The following C14orf39 variants were observed in gnomAD, a reference collection of about 807,000 sequenced individuals.
C14orf39 encodes the protein protein SIX6OS1.
C14orf39 carries 66 observed loss-of-function variants against 85.6 expected under a neutral mutation model. That is an observed-to-expected ratio of 0.77 (90% CI 0.63 to 0.95). C14orf39 has a LOEUF of 0.95. Among genes scored for constraint, C14orf39 ranks in the 40% least tolerant of loss-of-function variants. The probability of loss-of-function intolerance (pLI) is 0.00; values close to 1 mark genes in which losing one functional copy is unlikely to be tolerated. For synonymous variants in C14orf39, 242 were observed against 214.0 expected, an observed-to-expected ratio of 1.13 and a Z score of -1.14; for missense variants, 735 against 663.9, an observed-to-expected ratio of 1.11 and a Z score of -1.18.
At chr14:60,443,477 T>C (rs1317911937) in intron 16 of C14orf39, among the ~76,000 whole-genome samples, 7 of 152,070 alleles carry the variant, frequency 4.6e-5, no homozygotes, top group Admixed American at 3.3e-4. Context: ...GGGAGGGGTG[T>C]CTGCCATTGC....
At chr14:60,441,183 C>G (rs972671102) in intron 17 of C14orf39, among the ~76,000 whole-genome samples, 2 of 152,022 alleles carry the variant, frequency 1.3e-5, no homozygotes, top group African/African-American at 4.8e-5. Context: ...GAGACTGCAC[C>G]TGAATTAGAG....
chr14:60,455,135 TA>T lies in C14orf39; in HGVS notation c.1368del (p.Asn456LysfsTer21). ...GTTTGAACTTCAGGTACTGCATTTC[TA>T]TTTCTGTTACTGAGAAATAAGAAAT... ...PKTPPFEINR[N>X]RNAVPEVQTE... On this transcript the variant is annotated frameshift_variant, in exon 16 of 18. Coordinates refer to ENST00000321731, the MANE Select transcript of C14orf39 (RefSeq NM_174978.3). LOFTEE classifies it high-confidence loss of function. 1 of 1,555,952 alleles carries T rather than the reference TA, an allele frequency of 6.4e-7. No homozygotes were observed. Among genetic ancestry groups the T allele is most frequent in the Non-Finnish European group, 8.6e-7 (1 of 1,157,970 alleles).
chr14:60,469,571 CT>C lies in C14orf39; in HGVS notation c.636del (p.Val213Ter). 1 of 1,509,906 alleles carries C rather than the reference CT, an allele frequency of 6.6e-7. No individual in the cohort carries two copies. The highest frequency in any genetic ancestry group is 8.9e-7 in the Non-Finnish European group (1 of 1,120,604). The allele number at this position is 1,509,906 out of a possible 1,614,324, so 93.5% of individuals were successfully genotyped here. On this transcript the variant is annotated frameshift_variant, in exon 8 of 18. Coordinates refer to ENST00000321731, the MANE Select transcript of C14orf39 (RefSeq NM_174978.3). LOFTEE classifies it high-confidence loss of function. ...LTKSSSELKKEVDEMEIEINY... is the reference protein window; with the variant it reads ...LTKSSSELKKXVDEMEIEINY... ...TTAATTTCTATTTCCATTTCATCTA[CT>C]TCTTTCTTCAATTCGGATGAACTTT...
rs534627353 is a variant in C14orf39 at position 60,478,472 on chromosome 14, T to A, written c.234-83A>T. 5 of 693,520 alleles carry A rather than the reference T, an allele frequency of 7.2e-6. No homozygotes were observed. The East Asian group carries it at 1.3e-4, about 18-fold the overall frequency. The allele number at this position is 693,520 out of a possible 1,614,324, so 43.0% of individuals were successfully genotyped here. ...GATAATAAAAAAAAGAACATAATTA[T>A]TTAAAGAGAAACGAATCTTTCTCTT... is the stretch of plus-strand genomic sequence containing the variant. On this transcript the variant is annotated intron_variant, in intron 4 of 17. Coordinates refer to ENST00000321731, the MANE Select transcript of C14orf39 (RefSeq NM_174978.3).
intron 10 of C14orf39, 22 bp downstream of exon 10, chr14:60,466,895 G>T: frequency 2.8e-6 from 4 of 1,446,498 alleles, no homozygotes; most frequent in South Asian, 3.1e-5. Flanking sequence ...TGATGTTTTT[G>T]AATAACAAAC....
In C14orf39 at chr14:60,450,376, C is replaced by A. The variant is rs1890976311; in HGVS notation, c.1503+4625G>T. Among the ~76,000 whole-genome samples, 5 of 152,148 alleles carry A rather than the reference C, an allele frequency of 3.3e-5. No individual in the cohort carries two copies. The South Asian group carries it at 1.0e-3, about 31-fold the overall frequency. ...CGAGTGGATATCAGCAGTGTCCTGG[C>A]AGACCCCCACCATGAGCTGATGGTC... is the stretch of plus-strand genomic sequence containing the variant. On this transcript the variant is annotated intron_variant, in intron 16 of 17. Coordinates refer to ENST00000321731, the MANE Select transcript of C14orf39 (RefSeq NM_174978.3).
intron 1 of C14orf39, chr14:60,511,393 G>A (rs758956953): frequency 1.9e-6 from 2 of 1,037,932 alleles, no homozygotes; most frequent in East Asian, 2.6e-5. Flanking sequence ...TCGGGTTGCC[G>A]TTTCCCGCCC....
intron 1 of C14orf39, chr14:60,510,007 G>A (rs750494627): frequency 2.1e-5 from 32 of 1,553,188 alleles, no homozygotes; most frequent in Admixed American, 7.4e-5. Flanking sequence ...TGAGCGCACC[G>A]GGGAGGAGGC....
chr14:60,436,854 A>G lies in C14orf39; in HGVS notation c.1755T>C (p.Thr585=), dbSNP rs34459949. The G allele has an allele frequency of 3.7e-4, 600 of 1,602,130 alleles. 4 individuals carry two copies. The African/African-American group carries it at 6.5e-3, about 17-fold the overall frequency. The change falls in exon 18 of 18, where the codon ACT becomes ACC. Residue 585 remains threonine (T), a synonymous_variant. Transcript: ENST00000321731. ...SSSSQNTTQF[T]FF ...GGAATTAATGACTAGCTCAAAAAAAAGTAAACTGTGTTGTATTTTGTGAGG... is the reference window on the plus strand; with the variant it reads ...GGAATTAATGACTAGCTCAAAAAAAGGTAAACTGTGTTGTATTTTGTGAGG...
At position 60,495,130 on chromosome 14, in the gene C14orf39, T is replaced by C. The variant is rs1893050347; in HGVS notation, c.-9+4166A>G. The stretch of plus-strand genomic sequence containing the variant: ...GGTAGAAAAAGCTTGGCCATAGATC[T>C]TACATTGGAACAGTCTCTCCCGAGT... On this transcript the variant is annotated intron_variant, in intron 2 of 5. Transcript: ENST00000556799. The C allele has an allele frequency of 1.8e-5, 4 of 228,552 alleles. No individual in the cohort carries two copies. The South Asian group carries it at 2.0e-4, about 11-fold the overall frequency. 14.2% of individuals were successfully genotyped at this position (228,552 alleles called of 1,614,324 possible). A position where few individuals can be genotyped will look rare whatever the true frequency, so the allele number is the denominator to read the frequency against.
At position 60,515,421 on chromosome 14, in the gene C14orf39, C is replaced by CG. The variant is rs1274400577; in HGVS notation, c.-171dup. The CG allele has an allele frequency of 6.6e-6, 1 of 152,164 alleles. No individual in the cohort carries two copies. Among genetic ancestry groups the CG allele is most frequent in the Non-Finnish European group, 1.5e-5 (1 of 68,106 alleles). The allele number at this position is 152,164 out of a possible 1,614,324, so 9.4% of individuals were successfully genotyped here. ...TTTTCCATCCAGCGCCCCGCGAACTCGCGGACGTGTAGGCCTCGAGCCACT... is the reference window on the plus strand; with the variant it reads ...TTTTCCATCCAGCGCCCCGCGAACTCGGCGGACGTGTAGGCCTCGAGCCACT... On this transcript the variant is annotated 5_prime_UTR_variant, in exon 1 of 6. Transcript: ENST00000556799. This position sits in a 1 kb window ranked among gnomAD's most constrained non-coding sequence, Gnocchi z 6.2.
At chr14:60,441,241 A>C (rs915920488) in intron 17 of C14orf39, among the ~76,000 whole-genome samples, 7 of 152,200 alleles carry the variant, frequency 4.6e-5, no homozygotes, top group African/African-American at 1.7e-4. Flanking sequence ...CTAGAATAAT[A>C]TAAAAGACTG....
At chr14:60,506,692 G>A (rs1334679251) in intron 1 of C14orf39, among the ~76,000 whole-genome samples, 1 of 152,168 alleles carries the variant, frequency 6.6e-6, no homozygotes, top group Non-Finnish European at 1.5e-5. Flanking sequence ...GCACTTCTCA[G>A]TCCCTTCCTG....
intron 13 of C14orf39, among the ~76,000 whole-genome samples, chr14:60,460,741 T>A (rs1891485131): frequency 6.6e-6 from 1 of 151,728 alleles, no homozygotes; most frequent in Non-Finnish European, 1.5e-5. Flanking sequence ...TGTGCCAAAG[T>A]TAGAAAAGCT....
At chr14:60,467,720 G>C (rs1417217935) in intron 9 of C14orf39, among the ~76,000 whole-genome samples, 1 of 151,630 alleles carries the variant, frequency 6.6e-6, no homozygotes, top group Non-Finnish European at 1.5e-5. Flanking sequence ...GGGAGTGGAG[G>C]AATCAAGAAA....
chr14:60,497,400 C>T (rs985738956), intron 2 of C14orf39, among the ~76,000 whole-genome samples: 1 of 125,528 alleles, frequency 8.0e-6, no homozygotes, highest in East Asian at 2.4e-4. Context: ...TGCACACACA[C>T]ACACACTCCT....
chr14:60,469,211 T>A (rs1471383531), intron 8 of C14orf39, among the ~76,000 whole-genome samples: 1 of 150,650 alleles, frequency 6.6e-6, no homozygotes, highest in Non-Finnish European at 1.5e-5. Flanking sequence ...CCTGTTACTA[T>A]GTTGCATCTT....
chr14:60,455,213 T>A, intron 15 of C14orf39, 68 bp from the exon 16 acceptor site: 1 of 1,135,968 alleles, frequency 8.8e-7, no homozygotes, highest in South Asian at 1.6e-5. Context: ...GTAAGCATCA[T>A]AAGCAACAGC....
At position 60,451,695 on chromosome 14, in the gene C14orf39, G is replaced by C. The variant is rs1015865977; in HGVS notation, c.1503+3306C>G. ...CACACCAGGGCCCGTCATGGGGTAG[G>C]GGGTGGGGGGAGGGATAGCATTAGG... On this transcript the variant is annotated intron_variant, in intron 16 of 17. Coordinates refer to ENST00000321731, the MANE Select transcript of C14orf39 (RefSeq NM_174978.3). Among the ~76,000 whole-genome samples the C allele has an allele frequency of 9.8e-5, 13 of 132,146 alleles. No individual in the cohort carries two copies. The Admixed American group carries it at 1.0e-3, about 10-fold the overall frequency. The allele number at this position is 132,146 out of a possible 152,430, so 86.7% of individuals were successfully genotyped here.
Sources: gnomAD v4.1 joint callset for allele counts (sites outside exome capture counted in the v4.1 genomes callset) on GRCh38, gnomAD v4.1.1 for gene constraint, Gnocchi (gnomAD v3.1) non-coding constraint, MANE v1.5 for transcripts, NCBI Gene and HGNC (gene_info 2026-07-23, HGNC 2026-07-21) for gene names.